KCNN2: variants seen among roughly 807,000 people sequenced by gnomAD.
KCNN2 encodes the protein small conductance calcium-activated potassium channel protein 2.
KCNN2 carries 24 observed loss-of-function variants against 55.5 expected under a neutral mutation model. The ratio of observed to expected loss-of-function variants is 0.43; its 90% CI spans 0.31 to 0.61. The LOEUF is 0.61. KCNN2 is among the 20% of genes least tolerant of loss of function. The pLI is 0.08. For missense variants in KCNN2, 754 were observed against 853.6 expected (o/e 0.88, Z 1.45); for synonymous variants, 431 against 336.1 (o/e 1.28, Z -3.09).
At chr5:114,070,872 C>CT (rs1750554388) in intron 1 of KCNN2, among the ~76,000 whole-genome samples, 1 of 152,104 alleles carries the variant, frequency 6.6e-6, no homozygotes, top group South Asian at 2.1e-4. Flanking sequence ...TTTTTTCTTA[C>CT]TGAGGAGTTT....
At chr5:114,293,632 A>G (rs910861620) in intron 2 of KCNN2, among the ~76,000 whole-genome samples, 9 of 152,144 alleles carry the variant, frequency 5.9e-5, no homozygotes, top group African/African-American at 1.9e-4. Context: ...ATGTTCTTCA[A>G]GGATATCGGT....
intron 6 of KCNN2, chr5:114,490,727 C>T (rs991654355): frequency 5.0e-6 from 2 of 398,024 alleles, no homozygotes; most frequent in African/African-American, 4.1e-5. Context: ...CTCCTTTCAA[C>T]ATTTGCAGAA....
intron 1 of KCNN2, among the ~76,000 whole-genome samples, chr5:114,216,128 T>G (rs1010548361): frequency 6.6e-6 from 1 of 152,200 alleles, no homozygotes; most frequent in Non-Finnish European, 1.5e-5. Flanking sequence ...TCACTTTTCT[T>G]AATCAGTGAT....
rs1462671232 is a variant in KCNN2, at chr5:114,149,232, A to AG, written c.-270-72244dup. Among the ~76,000 whole-genome samples, 3 of 152,232 alleles carry AG rather than the reference A, an allele frequency of 2.0e-5. No homozygotes were observed. The Middle Eastern group carries it at 0.01, about 518-fold the overall frequency. ...AATACCAGTTGACAAACCTGAAAAG[A>AG]GGGGAGAGTCAGAAAAGGTGTACCT... is the stretch of plus-strand genomic sequence containing the variant. On this transcript the variant is annotated intron_variant, in intron 1 of 10. Transcript: ENST00000512097.
intron 1 of KCNN2, among the ~76,000 whole-genome samples, chr5:114,216,335 A>G (rs1754000941): frequency 6.6e-6 from 1 of 152,178 alleles, no homozygotes; most frequent in African/African-American, 2.4e-5. Context: ...AATCAGTGAC[A>G]GCTATGGATG....
At position 114,486,760 on chromosome 5, in the gene KCNN2, TAAA is replaced by T; in HGVS notation, c.1891-280_1891-278del. 5.7e-6 allele frequency: 6 copies of T among 1,060,398 alleles called. No individual in the cohort carries two copies. In the Admixed American group the frequency reaches 8.5e-5, roughly 15 times the overall value. The allele number at this position is 1,060,398 out of a possible 1,614,324, so 65.7% of individuals were successfully genotyped here. A position where few individuals can be genotyped will look rare whatever the true frequency, so the allele number is the denominator to read the frequency against. On this transcript the variant is annotated intron_variant, in intron 5 of 7. Coordinates refer to ENST00000673685, the MANE Select transcript of KCNN2 (RefSeq NM_021614.4). ...GGTGGAGAACTCAACACCCCTTGAT[TAAA>T]AAAAAAAAATAGTTGAATAAAAAAG... is the stretch of plus-strand genomic sequence containing the variant.
chr5:114,222,234 T>A (rs1754154406), intron 2 of KCNN2, among the ~76,000 whole-genome samples: 1 of 151,990 alleles, frequency 6.6e-6, no homozygotes, highest in Non-Finnish European at 1.5e-5. Flanking sequence ...TCAGAGAAAA[T>A]CTAAGAACGT....
rs572181160 is a variant in KCNN2 at position 114,299,904 on chromosome 5, G to T, written c.-184-61041G>T. 2.9e-4 allele frequency among the ~76,000 whole-genome samples: 44 copies of T among 152,228 alleles called. 1 individual carries two copies. The highest frequency in any genetic ancestry group is 5.6e-4 in the Non-Finnish European group (38 of 68,006). On this transcript the variant is annotated intron_variant, in intron 2 of 10. Coordinates refer to the KCNN2 transcript ENST00000512097. ...CATTACTCCCTACACACAGGGTCATGTTGAAAATAACTTCCAGTATCAGAT... is the reference window on the plus strand; with the variant it reads ...CATTACTCCCTACACACAGGGTCATTTTGAAAATAACTTCCAGTATCAGAT...
chr5:114,156,168 G>A (rs1249184399), intron 1 of KCNN2, among the ~76,000 whole-genome samples: 2 of 152,026 alleles, frequency 1.3e-5, no homozygotes, highest in African/African-American at 4.8e-5. Context: ...TTTTTGTCAG[G>A]TTTGTCAAAG....
At chr5:114,142,960 C>A (rs186148720) in intron 1 of KCNN2, among the ~76,000 whole-genome samples, 72 of 152,186 alleles carry the variant, frequency 4.7e-4, no homozygotes, top group South Asian at 1.7e-3. Context: ...ACCTGTATTG[C>A]GGGATCTGGC....
rs113563873 is a variant in KCNN2 at position 114,260,930 on chromosome 5, G to A, written c.-185+39365G>A. Among the ~76,000 whole-genome samples the A allele has an allele frequency of 6.3e-3, 960 of 152,260 alleles. 8 individuals are homozygous for A. Among genetic ancestry groups the A allele is most frequent in the African/African-American group, 0.022 (910 of 41,560 alleles). ...ACCAGGTGAGATTGGGGAGCAGAAG[G>A]AAGAGGAAAAAAGAAGATTGTTTGT... On this transcript the variant is annotated intron_variant, in intron 2 of 10. Transcript: ENST00000512097.
intron 1 of KCNN2, among the ~76,000 whole-genome samples, chr5:114,120,662 A>C (rs2112596072): frequency 6.6e-6 from 1 of 152,320 alleles, no homozygotes; most frequent in Admixed American, 6.5e-5. Flanking sequence ...GTATTGGCAA[A>C]GTGTAAGCAG....
chr5:114,437,976 T>C (rs1760066654), intron 3 of KCNN2, among the ~76,000 whole-genome samples: 1 of 152,216 alleles, frequency 6.6e-6, no homozygotes, highest in African/African-American at 2.4e-5. Flanking sequence ...CATAATAACA[T>C]GTTTAAATGT....
chr5:114,496,258 C>G lies in KCNN2; in HGVS notation c.*76C>G. On this transcript the variant is annotated 3_prime_UTR_variant, in exon 8 of 8. Coordinates refer to ENST00000673685, the MANE Select transcript of KCNN2 (RefSeq NM_021614.4). ...TATTTTAGCTTTTATTGTAAAGCCC[C>G]TATGGTTCTAATCAGCGTTATCCGG... The G allele has an allele frequency of 6.8e-7, 1 of 1,470,926 alleles. No individual in the cohort carries two copies. Among genetic ancestry groups the G allele is most frequent in the Non-Finnish European group, 9.3e-7 (1 of 1,078,696 alleles). 91.1% of individuals were successfully genotyped at this position (1,470,926 alleles called of 1,614,324 possible).
intron 1 of KCNN2, among the ~76,000 whole-genome samples, chr5:114,123,907 A>G (rs1751877401): frequency 6.6e-6 from 1 of 152,158 alleles, no homozygotes; most frequent in Non-Finnish European, 1.5e-5. Context: ...ATTGTGGGCT[A>G]CACCAGGTCT....
intron 2 of KCNN2, among the ~76,000 whole-genome samples, chr5:114,306,292 G>A (rs959751655): frequency 6.6e-6 from 1 of 152,244 alleles, no homozygotes; most frequent in African/African-American, 2.4e-5. Context: ...CACAGCAGCT[G>A]TGACTGGGGC....
At chr5:114,063,384 A>G (rs1750372525) in intron 1 of KCNN2, among the ~76,000 whole-genome samples, 1 of 152,214 alleles carries the variant, frequency 6.6e-6, no homozygotes. Context: ...TAGTAGAGAC[A>G]GAGGAAGATG....
chr5:114,156,662 T>C (rs1752641817), intron 1 of KCNN2, among the ~76,000 whole-genome samples: 2 of 152,160 alleles, frequency 1.3e-5, no homozygotes, highest in Non-Finnish European at 2.9e-5. Context: ...AGGAATTCTT[T>C]CATGATTTGG....
chr5:114,130,681 C>G (rs1752054024), intron 1 of KCNN2, among the ~76,000 whole-genome samples: 1 of 152,156 alleles, frequency 6.6e-6, no homozygotes. Flanking sequence ...CTCTTCATCG[C>G]TACTCACTAC....
Sources: gnomAD v4.1 joint callset for allele counts (sites outside exome capture counted in the v4.1 genomes callset) on GRCh38, gnomAD v4.1.1 for gene constraint, MANE v1.5 for transcripts, NCBI Gene and HGNC (gene_info 2026-07-23, HGNC 2026-07-21) for gene names.